Variants in ALK observed in about 807,000 individuals in gnomAD.
The protein encoded by ALK is ALK receptor tyrosine kinase.
In ALK, 74 loss-of-function variants were observed where a neutral mutation model predicts 163.1. That is an observed-to-expected ratio of 0.45 (90% CI 0.38 to 0.55). The LOEUF is 0.55. Ranked by LOEUF, ALK falls within the 20% of genes least tolerant of loss-of-function variation. ALK has a pLI of 0.00. For synonymous variants in ALK, 960 were observed against 843.2 expected, an observed-to-expected ratio of 1.14 and a Z score of -2.40; for missense variants, 2,063 against 2,105.3, an observed-to-expected ratio of 0.98 and a Z score of 0.39.
At chr2:29,540,763 T>G (rs1053376477) in intron 3 of ALK, among the ~76,000 whole-genome samples, 1 of 152,172 alleles carries the variant, frequency 6.6e-6, no homozygotes, top group Non-Finnish European at 1.5e-5. Flanking sequence ...TCCATTTTTC[T>G]AACTTGAAAT....
At chr2:29,697,961 C>A (rs945458566) in intron 2 of ALK, among the ~76,000 whole-genome samples, 13 of 152,198 alleles carry the variant, frequency 8.5e-5, no homozygotes, top group Non-Finnish European at 1.5e-4. Flanking sequence ...CCTGTTAACA[C>A]TAACCAAACT....
At chr2:29,639,052 G>A (rs967212450) in intron 3 of ALK, among the ~76,000 whole-genome samples, 1 of 152,158 alleles carries the variant, frequency 6.6e-6, no homozygotes, top group Non-Finnish European at 1.5e-5. Flanking sequence ...GAAAGTAGCT[G>A]AAATTATAGT....
chr2:29,221,138 C>CAGAT, intron 22 of ALK: 1 of 569,114 alleles, frequency 1.8e-6, no homozygotes, highest in South Asian at 1.5e-5. Flanking sequence ...GTGTCTTTCT[C>CAGAT]AGATACTGGT....
At chr2:29,450,657 A>G (rs937549866) in intron 4 of ALK, among the ~76,000 whole-genome samples, 1 of 152,232 alleles carries the variant, frequency 6.6e-6, no homozygotes, top group Non-Finnish European at 1.5e-5. Flanking sequence ...AAAATATGTT[A>G]CAGTTCTCTT....
intron 1 of ALK, among the ~76,000 whole-genome samples, chr2:29,720,111 A>T (rs148759867): frequency 1.5e-4 from 23 of 152,146 alleles, no homozygotes; most frequent in African/African-American, 4.8e-4. Flanking sequence ...AACCAAGCAG[A>T]TGGGGCTAGA....
At chr2:29,415,693 G>A (rs926457444) in intron 4 of ALK, among the ~76,000 whole-genome samples, 6 of 152,192 alleles carry the variant, frequency 3.9e-5, no homozygotes, top group Non-Finnish European at 8.8e-5. Context: ...CTATGAGGGT[G>A]TTTCATAAGA....
chr2:29,799,290 C>A (rs1373642366), intron 1 of ALK, among the ~76,000 whole-genome samples: 1 of 152,188 alleles, frequency 6.6e-6, no homozygotes, highest in East Asian at 1.9e-4. Flanking sequence ...AGGGCACCAA[C>A]TTGGATGCTG....
chr2:29,214,518 C>T (rs1477334093), intron 23 of ALK, among the ~76,000 whole-genome samples: 1 of 152,166 alleles, frequency 6.6e-6, no homozygotes, highest in Non-Finnish European at 1.5e-5. Context: ...TAAAAATCCT[C>T]GATTTAAATG....
At chr2:29,708,960 G>A (rs959118264) in intron 2 of ALK, among the ~76,000 whole-genome samples, 8 of 152,170 alleles carry the variant, frequency 5.3e-5, no homozygotes, top group African/African-American at 1.9e-4. Flanking sequence ...CTGACACAAA[G>A]TTTTGCACCT....
At chr2:29,665,804 G>T (rs115761586) in intron 3 of ALK, among the ~76,000 whole-genome samples, 1 of 151,994 alleles carries the variant, frequency 6.6e-6, no homozygotes, top group Non-Finnish European at 1.5e-5. Flanking sequence ...TGGAACCTAC[G>T]TAGACTTGCT....
chr2:29,599,221 A>G (rs1392889557), intron 3 of ALK, among the ~76,000 whole-genome samples: 1 of 151,954 alleles, frequency 6.6e-6, no homozygotes, highest in Non-Finnish European at 1.5e-5. Flanking sequence ...TCTGTCCTAG[A>G]GGAGTACTAT....
intron 4 of ALK, among the ~76,000 whole-genome samples, chr2:29,450,017 G>A (rs2148091061): frequency 6.6e-6 from 1 of 152,286 alleles, no homozygotes; most frequent in East Asian, 1.9e-4. Context: ...AAGTGTCAAA[G>A]TTGGAAGTGG....
At chr2:29,876,722 G>GATGATGATGGTGGTGATGGTA (rs1229255183) in intron 1 of ALK, among the ~76,000 whole-genome samples, 6 of 149,288 alleles carry the variant, frequency 4.0e-5, no homozygotes, top group African/African-American at 7.5e-5. Context: ...TGGTGATGGT[G>GATGATGATGGTGGTGATGGTA]ATGATGATGG....
At chr2:29,641,553 C>A (rs1323511485) in intron 3 of ALK, among the ~76,000 whole-genome samples, 1 of 152,022 alleles carries the variant, frequency 6.6e-6, no homozygotes, top group African/African-American at 2.4e-5. Context: ...AATGAGTCCA[C>A]TCATCTTGGT....
chr2:29,371,959 T>C (rs749109539), intron 5 of ALK, among the ~76,000 whole-genome samples: 1 of 152,206 alleles, frequency 6.6e-6, no homozygotes, highest in Non-Finnish European at 1.5e-5. Context: ...GGGTAATCAC[T>C]ATGAGCAGGG....
At chr2:29,828,246 C>A (rs1348780979) in intron 1 of ALK, among the ~76,000 whole-genome samples, 1 of 152,174 alleles carries the variant, frequency 6.6e-6, no homozygotes, top group Non-Finnish European at 1.5e-5. Flanking sequence ...CCATTCAGGA[C>A]ATAGGCATGG....
At chr2:29,280,833 A>C (rs1400585269) in intron 9 of ALK, among the ~76,000 whole-genome samples, 1 of 149,830 alleles carries the variant, frequency 6.7e-6, no homozygotes, top group Admixed American at 6.6e-5. Context: ...CAGGTATACC[A>C]CTCTGGGACT....
chr2:29,233,274 C>A lies in ALK; in HGVS notation c.2487+291G>T, dbSNP rs1382594280. 2.6e-5 allele frequency among the ~76,000 whole-genome samples: 4 copies of A among 152,158 alleles called. No individual in the cohort carries two copies. The East Asian group carries it at 7.7e-4, about 29-fold the overall frequency. On this transcript the variant is annotated intron_variant, in intron 14 of 28. Transcript: ENST00000389048. Reference sequence around the variant, plus strand: ...CCTCCTGCCTCAGCCTCCCAAGTAGCTAGGACTACAGGTGCAAGCCACCAA... The same window carrying A: ...CCTCCTGCCTCAGCCTCCCAAGTAGATAGGACTACAGGTGCAAGCCACCAA...
At chr2:29,462,293 T>C (rs1671103133) in intron 4 of ALK, among the ~76,000 whole-genome samples, 1 of 152,154 alleles carries the variant, frequency 6.6e-6, no homozygotes. Context: ...GAGGATTAAC[T>C]CTAAATTTGA....
Sources: allele counts gnomAD v4.1 joint callset (sites outside exome capture counted in the v4.1 genomes callset), GRCh38; gene constraint gnomAD v4.1.1; transcripts MANE v1.5; gene names NCBI Gene and HGNC (gene_info 2026-07-23, HGNC 2026-07-21).